DYNC2H1: variants seen among roughly 807,000 people sequenced by gnomAD.
DYNC2H1 encodes the protein cytoplasmic dynein 2 heavy chain 1.
DYNC2H1 carries 410 observed loss-of-function variants against 570.0 expected under a neutral mutation model. The ratio of observed to expected loss-of-function variants is 0.72; its 90% CI spans 0.66 to 0.78. The LOEUF (loss-of-function observed/expected upper bound fraction) is 0.78, where lower values mean the gene tolerates loss of function less well. Among genes scored for constraint, DYNC2H1 ranks in the 30% least tolerant of loss-of-function variants. The pLI is 0.00. For missense variants in DYNC2H1, 4,865 were observed against 5,046.4 expected (o/e 0.96, Z 1.09); for synonymous variants, 1,688 against 1,677.6 (o/e 1.01, Z -0.15).
chr11:103,167,996 T>G (rs1861401309), intron 31 of DYNC2H1, among the ~76,000 whole-genome samples: 1 of 152,158 alleles, frequency 6.6e-6, no homozygotes, highest in Admixed American at 6.5e-5. Flanking sequence ...CTAAAGAAGT[T>G]TATGGGGTTA....
chr11:103,411,893 GTAT>G (rs1247455354), intron 84 of DYNC2H1, among the ~76,000 whole-genome samples: 1 of 151,968 alleles, frequency 6.6e-6, no homozygotes, highest in Non-Finnish European at 1.5e-5. Flanking sequence ...TGAAATATTT[GTAT>G]TATTTGCATG....
chr11:103,353,292 C>G (rs1940141876), intron 82 of DYNC2H1, among the ~76,000 whole-genome samples: 1 of 152,138 alleles, frequency 6.6e-6, no homozygotes, highest in Admixed American at 6.5e-5. Context: ...TATCCCGAAA[C>G]TTAAATTTTT....
intron 77 of DYNC2H1, among the ~76,000 whole-genome samples, chr11:103,306,661 A>AT (rs1235481978): frequency 4.6e-5 from 7 of 151,974 alleles, no homozygotes; most frequent in African/African-American, 1.4e-4. Context: ...TTCTTTTGTC[A>AT]TTTTTTTGTC....
Position 103,252,689 on chromosome 11 carries a change from G to T in DYNC2H1, c.10043-596G>T, listed in dbSNP as rs1432986520. On this transcript the variant is annotated intron_variant, in intron 65 of 88. Transcript: ENST00000375735. The surrounding 1 kb of genome is among the most constrained non-coding windows in gnomAD (Gnocchi z 4.6). ...GGTCCTTTGCCTGCTTTTTAATCAG[G>T]TTATTTATCTTTCTGCTATTGAATT... Among the ~76,000 whole-genome samples the T allele has an allele frequency of 6.6e-6, 1 of 151,932 alleles. No individual in the cohort carries two copies. The highest frequency in any genetic ancestry group is 2.4e-5 in the African/African-American group (1 of 41,384).
At chr11:103,192,328 C>A in intron 47 of DYNC2H1, 64 bp downstream of exon 47, 1 of 1,255,290 alleles carries the variant, frequency 8.0e-7, no homozygotes, top group Non-Finnish European at 1.0e-6. Flanking sequence ...TTTTTCTTAC[C>A]CAGAGCATGA....
rs371064189 is a variant in DYNC2H1, at chr11:103,221,608, T to C, written c.9108-422T>C. On this transcript the variant is annotated intron_variant, in intron 57 of 88. Transcript: ENST00000375735. ...TCGATAATACAGCTGGGCACACCTG[T>C]AATCCCAGCACTTTGGGAGGCCAAG... is the stretch of plus-strand genomic sequence containing the variant. Among the ~76,000 whole-genome samples the C allele has an allele frequency of 1.7e-4, 26 of 152,340 alleles. No individual in the cohort carries two copies. The East Asian group carries it at 3.7e-3, about 21-fold the overall frequency.
intron 6 of DYNC2H1, among the ~76,000 whole-genome samples, chr11:103,119,371 G>A (rs541364202): frequency 2.0e-5 from 3 of 151,660 alleles, no homozygotes; most frequent in African/African-American, 7.3e-5. Context: ...ATGGAATCTC[G>A]ATATGTTGCC....
rs1279972346 is a variant in DYNC2H1 at position 103,435,901 on chromosome 11, A to G, written c.12367-42A>G. 6 of 1,572,598 alleles carry G rather than the reference A, an allele frequency of 3.8e-6. No individual in the cohort carries two copies. In the South Asian group the frequency reaches 5.7e-5, roughly 15 times the overall value. ...GTGTTAGTAGTCTTCTATATGTAGT[A>G]TCATATACACAAACTTAATTTTGAC... On this transcript the variant is annotated intron_variant, in intron 84 of 88. Coordinates refer to ENST00000375735, the MANE Select transcript of DYNC2H1 (RefSeq NM_001377.3).
At chr11:103,342,402 GC>G (rs1251950967) in intron 82 of DYNC2H1, among the ~76,000 whole-genome samples, 1 of 152,122 alleles carries the variant, frequency 6.6e-6, no homozygotes, top group African/African-American at 2.4e-5. Context: ...GGCCACCCCA[GC>G]CAGCTGCAGC....
At chr11:103,467,678 C>CA (rs1183040193) in intron 87 of DYNC2H1, among the ~76,000 whole-genome samples, 2 of 152,132 alleles carry the variant, frequency 1.3e-5, no homozygotes, top group African/African-American at 4.8e-5. Context: ...GCTGGGACTA[C>CA]AGGTGCCCGC....
At chr11:103,467,621 T>C (rs546279020) in intron 87 of DYNC2H1, among the ~76,000 whole-genome samples, 14 of 152,282 alleles carry the variant, frequency 9.2e-5, no homozygotes, top group African/African-American at 3.4e-4. Context: ...CACTGCAAGC[T>C]CCGCTTCCCG....
At chr11:103,281,378 TCTC>T (rs1866124430) in intron 71 of DYNC2H1, among the ~76,000 whole-genome samples, 1 of 152,048 alleles carries the variant, frequency 6.6e-6, no homozygotes, top group Admixed American at 6.6e-5. Context: ...CTTATTTTTC[TCTC>T]CTAAAGTATA....
rs1033019406 is a variant in DYNC2H1, at chr11:103,324,405, A to G, written c.12039+415A>G. 6.6e-5 allele frequency among the ~76,000 whole-genome samples: 10 copies of G among 152,022 alleles called. No individual in the cohort carries two copies. Among genetic ancestry groups the G allele is most frequent in the Admixed American group, 5.2e-4 (8 of 15,262 alleles). On this transcript the variant is annotated intron_variant, in intron 82 of 88. Coordinates refer to ENST00000375735, the MANE Select transcript of DYNC2H1 (RefSeq NM_001377.3). This position sits in a 1 kb window ranked among gnomAD's most constrained non-coding sequence, Gnocchi z 5.2. ...TATACTCAGTGTTTAGATCTCACCT[A>G]TAAGTGAGAACGTGGTATTTGGTTA...
intron 80 of DYNC2H1, among the ~76,000 whole-genome samples, chr11:103,318,791 A>G (rs1259976490): frequency 6.6e-6 from 1 of 152,132 alleles, no homozygotes; most frequent in Non-Finnish European, 1.5e-5. Context: ...TAAATTTTCC[A>G]TAAACTGAAC....
intron 83 of DYNC2H1, among the ~76,000 whole-genome samples, chr11:103,373,559 A>G (rs1458984078): frequency 2.0e-5 from 3 of 152,172 alleles, no homozygotes; most frequent in African/African-American, 7.2e-5. Context: ...CATACAAGTT[A>G]CTTGATATGA....
rs1032795894 is a variant in DYNC2H1 at position 103,241,246 on chromosome 11, C to T, written c.9820-2447C>T. On this transcript the variant is annotated intron_variant, in intron 63 of 88. Transcript: ENST00000375735. This position sits in a 1 kb window ranked among gnomAD's most constrained non-coding sequence, Gnocchi z 5.1. The stretch of plus-strand genomic sequence containing the variant: ...TTTCTGTACTCCTTGTACTATCTTA[C>T]TATAGTTGTTATCCAACATATAGTA... Among the ~76,000 whole-genome samples, 1 of 152,090 alleles carries T rather than the reference C, an allele frequency of 6.6e-6. No individual in the cohort carries two copies. Among genetic ancestry groups the T allele is most frequent in the Non-Finnish European group, 1.5e-5 (1 of 68,016 alleles).
chr11:103,381,892 G>A (rs1565545108), intron 83 of DYNC2H1, among the ~76,000 whole-genome samples: 1 of 152,116 alleles, frequency 6.6e-6, no homozygotes, highest in Non-Finnish European at 1.5e-5. Flanking sequence ...ACTCATTATT[G>A]TGTAAACTGT....
At chr11:103,187,065 A>C (rs1862100301) in intron 42 of DYNC2H1, among the ~76,000 whole-genome samples, 1 of 152,030 alleles carries the variant, frequency 6.6e-6, no homozygotes, top group Non-Finnish European at 1.5e-5. Flanking sequence ...TATATTTGAC[A>C]TGTACTTTAT....
At chr11:103,375,846 A>G (rs902718344) in intron 83 of DYNC2H1, among the ~76,000 whole-genome samples, 9 of 152,130 alleles carry the variant, frequency 5.9e-5, no homozygotes, top group African/African-American at 1.9e-4. Flanking sequence ...TAGTGCTGGA[A>G]TAAGACTTTG....
Sources: allele counts gnomAD v4.1 joint callset (sites outside exome capture counted in the v4.1 genomes callset), GRCh38; gene constraint gnomAD v4.1.1; non-coding constraint Gnocchi (gnomAD v3.1); transcripts MANE v1.5; gene names NCBI Gene and HGNC (gene_info 2026-07-23, HGNC 2026-07-21).